ABAT: variants seen among roughly 807,000 people sequenced by gnomAD.
ABAT encodes 4-aminobutyrate aminotransferase, also known as 4-aminobutyrate aminotransferase, mitochondrial.
ABAT carries 45 observed loss-of-function variants against 64.6 expected under a neutral mutation model. The observed-to-expected ratio is 0.70, with a 90% CI of 0.55 to 0.89. ABAT has a LOEUF of 0.89. ABAT is among the 40% of genes least tolerant of loss of function. The probability of loss-of-function intolerance (pLI) is 0.00; values close to 1 mark genes in which losing one functional copy is unlikely to be tolerated. For missense variants in ABAT, 633 were observed against 658.4 expected, an observed-to-expected ratio of 0.96 and a Z score of 0.42; for synonymous variants, 297 against 250.5, an observed-to-expected ratio of 1.19 and a Z score of -1.75.
intron 1 of ABAT, among the ~76,000 whole-genome samples, chr16:8,730,004 C>T (rs1224576012): frequency 6.6e-6 from 1 of 152,072 alleles, no homozygotes; most frequent in African/African-American, 2.4e-5. Flanking sequence ...GCAGAGCAGA[C>T]ACCCCAGAAG....
At chr16:8,735,046 T>TAAAAAAA (rs34887951) in intron 1 of ABAT, among the ~76,000 whole-genome samples, 15 of 147,644 alleles carry the variant, frequency 1.0e-4, no homozygotes, top group African/African-American at 3.3e-4. Flanking sequence ...CATCTCTACT[T>TAAAAAAA]AAAAAAAAAA....
chr16:8,674,924 C>G (rs1233864362), intron 1 of ABAT, among the ~76,000 whole-genome samples: 1 of 152,122 alleles, frequency 6.6e-6, no homozygotes, highest in Non-Finnish European at 1.5e-5. Flanking sequence ...GAAATGGGCC[C>G]TTCCTCCTGG....
chr16:8,724,740 AAAAAAC>A (rs1176659174), intron 1 of ABAT, among the ~76,000 whole-genome samples: 294 of 4,562 alleles, frequency 0.064, 31 homozygotes, highest in African/African-American at 0.11. Context: ...GGAAAAAAAA[AAAAAAC>A]AAAAAAAAAA....
intron 9 of ABAT, among the ~76,000 whole-genome samples, chr16:8,766,532 G>A (rs2059951276): frequency 6.6e-6 from 1 of 152,122 alleles, no homozygotes; most frequent in Non-Finnish European, 1.5e-5. Context: ...GCACATGCAT[G>A]TAATCCCAGC....
Position 8,776,385 on chromosome 16 carries a change from G to C in ABAT, c.1164G>C (p.Lys388Asn). The C allele has an allele frequency of 6.2e-7, 1 of 1,614,214 alleles. No individual in the cohort carries two copies. Among genetic ancestry groups the C allele is most frequent in the Non-Finnish European group, 8.5e-7 (1 of 1,180,034 alleles). Residue 388 changes from lysine to asparagine, a missense_variant, in exon 14 of 16, where the codon AAG (lysine) becomes AAC (asparagine). Transcript: ENST00000268251. This position sits in a 1 kb window ranked among gnomAD's most constrained non-coding sequence, Gnocchi z 4.4. ...IFNTWLGDPS[K>N]NLLLAEVINI... ...ACACCTGGCTGGGGGACCCGTCCAA[G>C]AACCTGTTGCTGGCTGAGGTCATCA...
chr16:8,710,510 G>A (rs1640982), intron 1 of ABAT, among the ~76,000 whole-genome samples: 10,606 of 152,066 alleles, frequency 0.07, 487 homozygotes, highest in Middle Eastern at 0.19. Context: ...GGCGAGGTGA[G>A]AGGATTGCTT....
At chr16:8,768,547 C>T (rs1293481886) in intron 10 of ABAT, among the ~76,000 whole-genome samples, 1 of 152,214 alleles carries the variant, frequency 6.6e-6, no homozygotes, top group African/African-American at 2.4e-5. Flanking sequence ...CATACCCACG[C>T]ACGCATGCCA....
chr16:8,697,372 G>T (rs1364168209), intron 1 of ABAT, among the ~76,000 whole-genome samples: 1 of 152,164 alleles, frequency 6.6e-6, no homozygotes, highest in Non-Finnish European at 1.5e-5. Context: ...CCCTATGGCT[G>T]CTCCGTGCAA....
rs537012032 is a variant in ABAT at position 8,727,996 on chromosome 16, G to A, written c.-41-7703G>A. 3.3e-5 allele frequency among the ~76,000 whole-genome samples: 5 copies of A among 152,300 alleles called. No individual in the cohort carries two copies. In the East Asian group the frequency reaches 5.8e-4, roughly 18 times the overall value. On this transcript the variant is annotated intron_variant, in intron 1 of 15. Transcript: ENST00000268251. ...TGAGATGGGAAGATTGCTAGAGCCC[G>A]GGCGATAGAGGCTGCAGTGAGCCCT...
intron 5 of ABAT, among the ~76,000 whole-genome samples, chr16:8,750,943 C>A (rs1462996515): frequency 9.1e-6 from 1 of 109,742 alleles, no homozygotes. Context: ...TTTTTCCCTG[C>A]TTTTTTTTTT....
chr16:8,737,930 A>AG (rs1185873900), intron 2 of ABAT, among the ~76,000 whole-genome samples: 1 of 114,382 alleles, frequency 8.7e-6, no homozygotes, highest in African/African-American at 3.4e-5. Flanking sequence ...TAAAAAAAAA[A>AG]AAAAGAAAGG....
At chr16:8,722,341 C>T (rs988772144) in intron 1 of ABAT, among the ~76,000 whole-genome samples, 23 of 152,148 alleles carry the variant, frequency 1.5e-4, no homozygotes, top group Non-Finnish European at 2.6e-4. Flanking sequence ...ACAGGGGTTT[C>T]ACTATGTTAG....
rs534910099 is a variant in ABAT at position 8,716,239 on chromosome 16, A to G, written c.-41-19460A>G. 4.6e-5 allele frequency among the ~76,000 whole-genome samples: 7 copies of G among 152,236 alleles called. No individual in the cohort carries two copies. The East Asian group carries it at 1.4e-3, about 29-fold the overall frequency. On this transcript the variant is annotated intron_variant, in intron 1 of 15. Transcript: ENST00000268251. ...TGAAATTTAGTACTAAAGATACTACATGGCTGTGTGATGTCGGGCAAATCA... is the reference window on the plus strand; with the variant it reads ...TGAAATTTAGTACTAAAGATACTACGTGGCTGTGTGATGTCGGGCAAATCA...
rs369796579 is a variant in ABAT, at chr16:8,738,690, G to A, written c.70+2881G>A. On this transcript the variant is annotated intron_variant, in intron 2 of 15. Transcript: ENST00000268251. ...GGAGTCTCACTCTGTTGGCCAGGCT[G>A]GAGTGGTGCCGTGGTGCAATCTCGA... Among the ~76,000 whole-genome samples the A allele has an allele frequency of 5.5e-4, 82 of 149,492 alleles. 2 individuals carry two copies. The highest frequency in any genetic ancestry group is 1.9e-3 in the African/African-American group (77 of 40,136).
intron 12 of ABAT, among the ~76,000 whole-genome samples, chr16:8,773,348 C>T (rs1036683279): frequency 3.9e-5 from 6 of 152,092 alleles, no homozygotes; most frequent in Admixed American, 1.3e-4. Flanking sequence ...GACGAGATTT[C>T]GCCATGTTGG....
At chr16:8,765,064 G>A (rs954913019) in intron 8 of ABAT, among the ~76,000 whole-genome samples, 7 of 152,098 alleles carry the variant, frequency 4.6e-5, no homozygotes, top group African/African-American at 7.2e-5. Context: ...GGGCGCAGTC[G>A]TTCACACCTG....
intron 1 of ABAT, among the ~76,000 whole-genome samples, chr16:8,684,817 C>A (rs1021496539): frequency 6.6e-6 from 1 of 151,358 alleles, no homozygotes; most frequent in Non-Finnish European, 1.5e-5. Context: ...AATGAGGGAA[C>A]CAGGCAGACA....
Position 8,746,041 on chromosome 16 carries a change from T to G in ABAT, c.111T>G (p.Val37=). The stretch of plus-strand genomic sequence containing the variant: ...GTCAAGCTGCAGCCAAAGTCGACGT[T>G]GAATTTGATTATGATGGGCCTCTGA... The part of the protein sequence containing the change: ...HISQAAAKVD[V]EFDYDGPLMK... Residue 37 remains valine (V), a synonymous_variant, in exon 3 of 16, where the codon GTT becomes GTG. Transcript: ENST00000268251. The G allele has an allele frequency of 6.2e-7, 1 of 1,613,968 alleles. No homozygotes were observed.
intron 1 of ABAT, among the ~76,000 whole-genome samples, chr16:8,719,472 G>A (rs1037389689): frequency 7.9e-5 from 12 of 152,144 alleles, no homozygotes; most frequent in African/African-American, 2.9e-4. Flanking sequence ...TTTTTTCACA[G>A]GCTGGGTAAC....
Sources: allele counts gnomAD v4.1 joint callset (sites outside exome capture counted in the v4.1 genomes callset), GRCh38; gene constraint gnomAD v4.1.1; non-coding constraint Gnocchi (gnomAD v3.1); transcripts MANE v1.5; gene names NCBI Gene and HGNC (gene_info 2026-07-23, HGNC 2026-07-21).